SYBU: variants seen among roughly 807,000 people sequenced by gnomAD.
SYBU encodes the protein GOLSYN A protein.
A neutral mutation model predicts 35.9 loss-of-function variants in SYBU; 21 were observed. The ratio of observed to expected loss-of-function variants is 0.58; its 90% confidence interval spans 0.41 to 0.84. The LOEUF (loss-of-function observed/expected upper bound fraction) is 0.84, where lower values mean the gene tolerates loss of function less well. Among genes scored for constraint, SYBU ranks in the 40% least tolerant of loss-of-function variants. The probability of loss-of-function intolerance (pLI) is 0.00; values close to 1 mark genes in which losing one functional copy is unlikely to be tolerated. For synonymous variants in SYBU, 319 were observed against 324.3 expected, an observed-to-expected ratio of 0.98 and a Z score of 0.18; for missense variants, 768 against 848.2, an observed-to-expected ratio of 0.91 and a Z score of 1.17.
intron 3 of SYBU, among the ~76,000 whole-genome samples, chr8:109,615,181 C>A (rs904432703): frequency 3.9e-5 from 6 of 152,134 alleles, no homozygotes; most frequent in Admixed American, 1.3e-4. Flanking sequence ...AGTCCCTGAG[C>A]CTCCGTATAA....
At chr8:109,609,593 T>C (rs1810947683) in intron 3 of SYBU, among the ~76,000 whole-genome samples, 1 of 152,200 alleles carries the variant, frequency 6.6e-6, no homozygotes, top group South Asian at 2.1e-4. Context: ...ACCTGCTTGC[T>C]AGTTGTACAC....
intron 3 of SYBU, among the ~76,000 whole-genome samples, chr8:109,618,611 A>G (rs957270198): frequency 2.6e-5 from 4 of 152,226 alleles, no homozygotes; most frequent in African/African-American, 7.2e-5. Context: ...TTTTAAAAAA[A>G]GCTCTTTATA....
chr8:109,688,699 T>A (rs1414389647), intron 1 of SYBU, among the ~76,000 whole-genome samples: 1 of 151,400 alleles, frequency 6.6e-6, no homozygotes, highest in East Asian at 1.9e-4. Context: ...CTGGGTTCTG[T>A]CACCTGAACC....
intron 1 of SYBU, chr8:109,643,147 G>GCA (rs35325438): frequency 0.012 from 13,956 of 1,135,994 alleles, 61 homozygotes; most frequent in Admixed American, 0.06. Flanking sequence ...TGTCTGTGTG[G>GCA]CACACACACA....
upstream of SYBU, chr8:109,645,302 A>T (rs1213851480): frequency 2.2e-6 from 1 of 456,532 alleles, no homozygotes; most frequent in African/African-American, 2.0e-5. Flanking sequence ...AGCCCAGCCA[A>T]GCCAGTGCGT....
chr8:109,574,803 C>T lies in SYBU; in HGVS notation c.*103G>A. 7.6e-7 allele frequency: 1 copy of T among 1,320,232 alleles called. No homozygotes were observed. Among genetic ancestry groups the T allele is most frequent in the Non-Finnish European group, 1.0e-6 (1 of 977,814 alleles). 81.8% of individuals were successfully genotyped at this position (1,320,232 alleles called of 1,614,324 possible). On this transcript the variant is annotated 3_prime_UTR_variant, in exon 7 of 7. Coordinates refer to ENST00000276646, the MANE Select transcript of SYBU (RefSeq NM_001099754.2). Reference sequence around the variant, plus strand: ...ATAGTGCAAATCAAATACCAAGGAGCAAAACGACAGAATAGAGACTGTCAC... The same window carrying T: ...ATAGTGCAAATCAAATACCAAGGAGTAAAACGACAGAATAGAGACTGTCAC...
upstream of SYBU, among the ~76,000 whole-genome samples, chr8:109,684,337 T>G (rs1442247255): frequency 2.6e-5 from 4 of 152,188 alleles, no homozygotes; most frequent in Non-Finnish European, 5.9e-5. Context: ...TGATCATAAG[T>G]GAGTTAAGTT....
intron 2 of SYBU, among the ~76,000 whole-genome samples, chr8:109,626,468 T>C (rs1228098655): frequency 6.6e-6 from 1 of 152,238 alleles, no homozygotes; most frequent in Non-Finnish European, 1.5e-5. Context: ...CCACATTACT[T>C]TGCAATGCTT....
intron 2 of SYBU, among the ~76,000 whole-genome samples, chr8:109,638,420 C>G (rs1482426138): frequency 6.6e-6 from 1 of 152,152 alleles, no homozygotes; most frequent in Non-Finnish European, 1.5e-5. Context: ...AAACCCAGAA[C>G]ACAAACCAAC....
intron 1 of SYBU, among the ~76,000 whole-genome samples, chr8:109,668,705 T>C (rs1339194143): frequency 6.6e-6 from 1 of 152,326 alleles, no homozygotes; most frequent in East Asian, 1.9e-4. Flanking sequence ...CTGTCAAAGA[T>C]AAACACATTT....
intron 1 of SYBU, among the ~76,000 whole-genome samples, chr8:109,675,662 A>C (rs1240336512): frequency 6.6e-6 from 1 of 152,202 alleles, no homozygotes; most frequent in Non-Finnish European, 1.5e-5. Context: ...TAAAACAAAC[A>C]AAAAAGCCCA....
intron 3 of SYBU, among the ~76,000 whole-genome samples, chr8:109,586,888 T>G (rs941708530): frequency 6.6e-6 from 1 of 152,110 alleles, no homozygotes; most frequent in Non-Finnish European, 1.5e-5. Flanking sequence ...AGACAACAGG[T>G]GGGTGTGTAA....
At chr8:109,642,995 C>T (rs757272313) in intron 1 of SYBU, 63 bp from the exon 2 acceptor site, 2 of 1,455,462 alleles carry the variant, frequency 1.4e-6, no homozygotes, top group Non-Finnish European at 1.8e-6. Context: ...TAACTCCTGT[C>T]GGTTCCTTCA....
intron 2 of SYBU, among the ~76,000 whole-genome samples, chr8:109,630,101 T>G (rs975048142): frequency 1.1e-4 from 17 of 151,928 alleles, no homozygotes; most frequent in African/African-American, 3.9e-4. Flanking sequence ...CCATAAAAAA[T>G]GATGAGTTCA....
At chr8:109,591,410 C>G (rs552001884) in intron 3 of SYBU, among the ~76,000 whole-genome samples, 11 of 151,766 alleles carry the variant, frequency 7.2e-5, no homozygotes, top group African/African-American at 2.7e-4. Flanking sequence ...AGCAATTTGG[C>G]TTCTCTAACC....
intron 1 of SYBU, among the ~76,000 whole-genome samples, chr8:109,671,181 AT>A (rs1237641209): frequency 5.3e-5 from 8 of 152,312 alleles, no homozygotes; most frequent in East Asian, 1.9e-4. Context: ...TGCAAAAAAA[AT>A]ATTTATGTCA....
rs74384682 is a variant in SYBU, at chr8:109,577,847, G to A, written c.884+21C>T. The A allele has an allele frequency of 3.8e-4, 617 of 1,602,868 alleles. 7 individuals are homozygous for A. In the African/African-American group the frequency reaches 6.8e-3, roughly 18 times the overall value. ...GAAAGAAGTTGTCCTACACCCCACC[G>A]TTCAAGGAAGGCAGATTCACCTTTC... is the stretch of plus-strand genomic sequence containing the variant. On this transcript the variant is annotated intron_variant, in intron 6 of 6. Transcript: ENST00000276646.
chr8:109,577,332 T>C (rs572901752), intron 6 of SYBU, among the ~76,000 whole-genome samples: 1 of 149,934 alleles, frequency 6.7e-6, no homozygotes, highest in Admixed American at 6.6e-5. Context: ...AAAAGTCTTC[T>C]CCCTCAGATA....
At chr8:109,604,509 G>A (rs920854612) in intron 3 of SYBU, among the ~76,000 whole-genome samples, 2 of 152,024 alleles carry the variant, frequency 1.3e-5, no homozygotes, top group African/African-American at 2.4e-5. Context: ...ATAAACATTC[G>A]TTTAAAAAAA....
Sources: allele counts gnomAD v4.1 joint callset (sites outside exome capture counted in the v4.1 genomes callset), GRCh38; gene constraint gnomAD v4.1.1; transcripts MANE v1.5; gene names NCBI Gene and HGNC (gene_info 2026-07-23, HGNC 2026-07-21).